CACNG4: variants seen among roughly 807,000 people sequenced by gnomAD.
CACNG4 encodes the protein calcium voltage-gated channel auxiliary subunit gamma 4.
In CACNG4, 8 loss-of-function variants were observed where a neutral mutation model predicts 22.9. The observed-to-expected ratio is 0.35, with a 90% confidence interval of 0.21 to 0.63. The LOEUF (loss-of-function observed/expected upper bound fraction) is 0.63. CACNG4 is among the 30% of genes least tolerant of loss of function. CACNG4 has a pLI of 0.72. For missense variants in CACNG4, 357 were observed against 455.4 expected (o/e 0.78, Z 1.97); for synonymous variants, 188 against 191.9 (o/e 0.98, Z 0.17).
chr17:66,985,248 G>A (rs928440029), intron 1 of CACNG4, among the ~76,000 whole-genome samples: 2 of 152,144 alleles, frequency 1.3e-5, no homozygotes, highest in Non-Finnish European at 2.9e-5. Context: ...TAAATCCCAG[G>A]CTGAGTCCTG....
intron 1 of CACNG4, among the ~76,000 whole-genome samples, chr17:67,006,607 AC>A (rs1291467615): frequency 2.6e-5 from 4 of 152,068 alleles, no homozygotes; most frequent in Non-Finnish European, 5.9e-5. Flanking sequence ...CCCATTCAGC[AC>A]TTGTCCCTTA....
At chr17:66,967,590 C>T (rs879064647) in intron 1 of CACNG4, among the ~76,000 whole-genome samples, 2 of 152,170 alleles carry the variant, frequency 1.3e-5, no homozygotes, top group Admixed American at 6.5e-5. Flanking sequence ...GGGTTACCTC[C>T]GTGTTGGCTT....
chr17:67,016,626 A>G (rs564657031), intron 1 of CACNG4, among the ~76,000 whole-genome samples: 2 of 152,310 alleles, frequency 1.3e-5, no homozygotes. Flanking sequence ...CAGCCGCTGC[A>G]GGAAAGGAAT....
At position 67,030,327 on chromosome 17, in the gene CACNG4, A is replaced by G. The variant is rs1324876829; in HGVS notation, c.446-139A>G. 1.3e-6 allele frequency: 1 copy of G among 748,352 alleles called. No individual in the cohort carries two copies. The highest frequency in any genetic ancestry group is 2.3e-6 in the Non-Finnish European group (1 of 443,072). 46.4% of individuals were successfully genotyped at this position (748,352 alleles called of 1,614,324 possible). On this transcript the variant is annotated intron_variant, in intron 3 of 3. Coordinates refer to ENST00000262138, the MANE Select transcript of CACNG4 (RefSeq NM_014405.4). This position sits in a 1 kb window ranked among gnomAD's most constrained non-coding sequence, Gnocchi z 6.4. ...TTCAACATTAATTACTGAAAAGAAA[A>G]ATTAGCAACCAGAATAAAGAAATAC... is the stretch of plus-strand genomic sequence containing the variant.
chr17:66,991,417 A>G (rs778848004), intron 1 of CACNG4, among the ~76,000 whole-genome samples: 6 of 152,084 alleles, frequency 3.9e-5, no homozygotes, highest in Non-Finnish European at 5.9e-5. Flanking sequence ...GCCAGATCCC[A>G]TAAGAGGAGT....
chr17:66,985,308 G>A (rs2035298890), intron 1 of CACNG4, among the ~76,000 whole-genome samples: 1 of 152,220 alleles, frequency 6.6e-6, no homozygotes, highest in South Asian at 2.1e-4. Context: ...TTAATATTGA[G>A]TGTCTGCTAC....
At chr17:66,982,028 G>A (rs987941255) in intron 1 of CACNG4, among the ~76,000 whole-genome samples, 1 of 152,320 alleles carries the variant, frequency 6.6e-6, no homozygotes, top group East Asian at 1.9e-4. Context: ...GATTCATTCT[G>A]ATAGGTTTAT....
At chr17:66,999,437 G>C (rs2035394629) in intron 1 of CACNG4, among the ~76,000 whole-genome samples, 1 of 152,140 alleles carries the variant, frequency 6.6e-6, no homozygotes, top group African/African-American at 2.4e-5. Context: ...AAATGCCTGA[G>C]ACTGGGCAAT....
chr17:66,974,875 C>T (rs1347998064), intron 1 of CACNG4, among the ~76,000 whole-genome samples: 7 of 152,038 alleles, frequency 4.6e-5, no homozygotes, highest in Non-Finnish European at 7.4e-5. Flanking sequence ...ACGTGGAAGC[C>T]GCCGCATCAG....
At chr17:67,006,516 C>T (rs1358697363) in intron 1 of CACNG4, among the ~76,000 whole-genome samples, 1 of 152,108 alleles carries the variant, frequency 6.6e-6, no homozygotes, top group Non-Finnish European at 1.5e-5. Context: ...TGCCTCTGGG[C>T]TTCGTCTCGC....
chr17:66,973,701 C>G (rs1178096645), intron 1 of CACNG4, among the ~76,000 whole-genome samples: 1 of 152,232 alleles, frequency 6.6e-6, no homozygotes, highest in Non-Finnish European at 1.5e-5. Flanking sequence ...AGAGAAGCGG[C>G]ACTGCCCTCC....
At chr17:67,001,399 C>A (rs570950835) in intron 1 of CACNG4, among the ~76,000 whole-genome samples, 1 of 152,226 alleles carries the variant, frequency 6.6e-6, no homozygotes, top group South Asian at 2.1e-4. Context: ...CTAATTCAAG[C>A]CCCACCAGCC....
chr17:67,004,448 C>T (rs1419763252), intron 1 of CACNG4, among the ~76,000 whole-genome samples: 2 of 152,136 alleles, frequency 1.3e-5, no homozygotes, highest in Admixed American at 6.5e-5. Context: ...CAGCCACAAG[C>T]TTCCACGCAG....
At chr17:66,985,838 G>A (rs934637514) in intron 1 of CACNG4, among the ~76,000 whole-genome samples, 1 of 152,154 alleles carries the variant, frequency 6.6e-6, no homozygotes, top group Non-Finnish European at 1.5e-5. Flanking sequence ...GCACAGAGTG[G>A]GAAGAGGAAG....
intron 1 of CACNG4, among the ~76,000 whole-genome samples, chr17:66,983,240 C>G (rs1342541049): frequency 6.6e-6 from 1 of 152,208 alleles, no homozygotes; most frequent in East Asian, 1.9e-4. Context: ...CTGTGACACC[C>G]CCCAGCACCT....
intron 3 of CACNG4, among the ~76,000 whole-genome samples, chr17:67,026,696 A>G (rs2035569661): frequency 7.0e-6 from 1 of 142,458 alleles, no homozygotes; most frequent in African/African-American, 2.7e-5. Flanking sequence ...TGTGAGGACT[A>G]TGGTATATGT....
intron 1 of CACNG4, among the ~76,000 whole-genome samples, chr17:66,986,274 G>T (rs2035305280): frequency 6.6e-6 from 1 of 152,246 alleles, no homozygotes; most frequent in Non-Finnish European, 1.5e-5. Flanking sequence ...CGTGTGGGTT[G>T]AGGGTCTCAC....
At chr17:66,982,204 C>T (rs28621954) in intron 1 of CACNG4, among the ~76,000 whole-genome samples, 13,794 of 152,236 alleles carry the variant, frequency 0.091, 1,087 homozygotes, top group African/African-American at 0.22. Context: ...CCGCTGCTGG[C>T]TAGGGTGGCC....
At chr17:66,982,168 G>A (rs77135269) in intron 1 of CACNG4, among the ~76,000 whole-genome samples, 119 of 152,350 alleles carry the variant, frequency 7.8e-4, no homozygotes, top group African/African-American at 2.4e-3. Context: ...AAGCTTCCAC[G>A]AGTGGGAGGA....
Sources: allele counts gnomAD v4.1 joint callset (sites outside exome capture counted in the v4.1 genomes callset), GRCh38; gene constraint gnomAD v4.1.1; non-coding constraint Gnocchi (gnomAD v3.1); transcripts MANE v1.5; gene names NCBI Gene and HGNC (gene_info 2026-07-23, HGNC 2026-07-21).